The following CNTN6 variants were observed in gnomAD, a reference collection of about 807,000 sequenced individuals.
The protein encoded by CNTN6 is contactin-6.
A neutral mutation model predicts 122.8 loss-of-function variants in CNTN6; 137 were observed. The observed-to-expected ratio is 1.12, with a 90% CI of 0.97 to 1.29. The LOEUF is 1.29. CNTN6 is among the 50% of genes most tolerant of loss of function. CNTN6 has a pLI of 0.00. For synonymous variants in CNTN6, 570 were observed against 426.0 expected, an observed-to-expected ratio of 1.34 and a Z score of -4.16; for missense variants, 1,634 against 1,223.4, an observed-to-expected ratio of 1.34 and a Z score of -5.01.
intron 17 of CNTN6, among the ~76,000 whole-genome samples, chr3:1,377,909 A>G (rs1710112132): frequency 6.6e-6 from 1 of 152,074 alleles, no homozygotes; most frequent in Non-Finnish European, 1.5e-5. Context: ...CTGCCATTTC[A>G]TAGGGTAGGG....
At chr3:1,403,225 G>A in intron 22 of CNTN6, 93 bp from the exon 23 acceptor site, 1 of 708,198 alleles carries the variant, frequency 1.4e-6, no homozygotes, top group Non-Finnish European at 2.4e-6. Context: ...TACTAGAAGA[G>A]AAATGATAGT....
chr3:1,310,395 A>G (rs1373283483), intron 7 of CNTN6, among the ~76,000 whole-genome samples: 1 of 152,066 alleles, frequency 6.6e-6, no homozygotes, highest in Non-Finnish European at 1.5e-5. Context: ...TTTTTCTTCT[A>G]TTCATTAGTG....
At chr3:1,189,434 C>G (rs915079894) in intron 2 of CNTN6, among the ~76,000 whole-genome samples, 1 of 152,150 alleles carries the variant, frequency 6.6e-6, no homozygotes, top group Non-Finnish European at 1.5e-5. Context: ...AGGACTTTAA[C>G]TCTTTGGAAT....
chr3:1,397,483 A>C (rs1695130247), intron 20 of CNTN6, among the ~76,000 whole-genome samples: 1 of 152,138 alleles, frequency 6.6e-6, no homozygotes, highest in Non-Finnish European at 1.5e-5. Context: ...TTCATCTGCA[A>C]GTACCAAAGC....
At chr3:1,232,049 G>A (rs1027788052) in intron 4 of CNTN6, among the ~76,000 whole-genome samples, 2 of 152,130 alleles carry the variant, frequency 1.3e-5, no homozygotes, top group African/African-American at 4.8e-5. Context: ...ATCTGTCATT[G>A]CTGTTTAAAA....
chr3:1,294,695 G>A (rs949830270), intron 5 of CNTN6, among the ~76,000 whole-genome samples: 4 of 152,082 alleles, frequency 2.6e-5, no homozygotes, highest in Non-Finnish European at 4.4e-5. Flanking sequence ...AATGCTTGTC[G>A]ACTCCTCCGT....
intron 2 of CNTN6, chr3:1,173,372 G>A (rs2093395406): frequency 2.2e-6 from 1 of 449,534 alleles, no homozygotes; most frequent in South Asian, 1.6e-5. Context: ...TTTACAGCAT[G>A]TGCTCGATAT....
chr3:1,220,766 G>A lies in CNTN6; in HGVS notation c.135G>A (p.Glu45=). The A allele has an allele frequency of 6.2e-7, 1 of 1,612,520 alleles. No homozygotes were observed. Among genetic ancestry groups the A allele is most frequent in the Non-Finnish European group, 8.5e-7 (1 of 1,179,182 alleles). Residue 45 remains glutamate, a synonymous_variant, in exon 3 of 23, where the codon GAG becomes GAA. Transcript: ENST00000446702. ...VIFPLDLSKS[E]VILNCAANGY... Reference sequence around the variant, plus strand: ...TTCCTTTGGATTTATCAAAATCTGAGGTCATCCTGAATTGTGCTGCTAATG... The same window carrying A: ...TTCCTTTGGATTTATCAAAATCTGAAGTCATCCTGAATTGTGCTGCTAATG...
intron 2 of CNTN6, among the ~76,000 whole-genome samples, chr3:1,178,721 T>A (rs1008261792): frequency 6.6e-6 from 1 of 152,160 alleles, no homozygotes; most frequent in Non-Finnish European, 1.5e-5. Flanking sequence ...TTACTTCTGA[T>A]AGGTCGTTAG....
chr3:1,320,313 T>G (rs570966132), intron 7 of CNTN6, among the ~76,000 whole-genome samples: 1 of 151,892 alleles, frequency 6.6e-6, no homozygotes, highest in Non-Finnish European at 1.5e-5. Flanking sequence ...GCATATGATT[T>G]TTATCCTTGT....
chr3:1,365,407 T>A (rs9868606), intron 12 of CNTN6, among the ~76,000 whole-genome samples: 46,897 of 151,882 alleles, frequency 0.31, 8,198 homozygotes, highest in African/African-American at 0.47. Flanking sequence ...CTCATAAATA[T>A]GTAAGCTTAT....
At chr3:1,152,591 C>T (rs1302866848) in intron 2 of CNTN6, among the ~76,000 whole-genome samples, 1 of 152,162 alleles carries the variant, frequency 6.6e-6, no homozygotes, top group Admixed American at 6.6e-5. Context: ...CATTTTCCCA[C>T]AGTGAAAAAT....
At chr3:1,385,417 A>T (rs956748527) in intron 19 of CNTN6, among the ~76,000 whole-genome samples, 194 bp from the exon 20 acceptor site, 1 of 152,156 alleles carries the variant, frequency 6.6e-6, no homozygotes, top group Non-Finnish European at 1.5e-5. Context: ...TGCATTCATG[A>T]CTTTTTTCCT....
intron 4 of CNTN6, among the ~76,000 whole-genome samples, chr3:1,242,226 G>A (rs1179701811): frequency 3.3e-5 from 5 of 152,256 alleles, no homozygotes; most frequent in Middle Eastern, 3.4e-3. Context: ...GTCAGGGTCA[G>A]TCTAAGTGAA....
intron 1 of CNTN6, among the ~76,000 whole-genome samples, chr3:1,144,884 G>A (rs946987833): frequency 3.9e-5 from 6 of 152,132 alleles, no homozygotes; most frequent in Non-Finnish European, 5.9e-5. Flanking sequence ...TACAGCAAGC[G>A]GGGACTGTTG....
intron 4 of CNTN6, among the ~76,000 whole-genome samples, chr3:1,237,274 A>G (rs1368936097): frequency 5.9e-5 from 9 of 152,046 alleles, no homozygotes; most frequent in Admixed American, 5.9e-4. Flanking sequence ...AGAATCAAAC[A>G]AGCAGAAGAA....
intron 12 of CNTN6, among the ~76,000 whole-genome samples, chr3:1,359,896 C>T (rs971994344): frequency 1.3e-5 from 2 of 151,904 alleles, no homozygotes; most frequent in African/African-American, 2.4e-5. Flanking sequence ...TTCTTTTGTT[C>T]GTTTGCTTAG....
intron 5 of CNTN6, among the ~76,000 whole-genome samples, chr3:1,290,563 A>G (rs1695158771): frequency 6.6e-6 from 1 of 152,202 alleles, no homozygotes; most frequent in South Asian, 2.1e-4. Context: ...GGGTTCTTGG[A>G]TCTTGTACAA....
chr3:1,093,527 CTT>C (rs753856056), intron 1 of CNTN6, among the ~76,000 whole-genome samples: 44 of 132,290 alleles, frequency 3.3e-4, no homozygotes, highest in Admixed American at 7.0e-4. Flanking sequence ...TGTTTTTTGT[CTT>C]TTTTTTTTTT....
Sources: gnomAD v4.1 joint callset for allele counts (sites outside exome capture counted in the v4.1 genomes callset) on GRCh38, gnomAD v4.1.1 for gene constraint, MANE v1.5 for transcripts, NCBI Gene and HGNC (gene_info 2026-07-23, HGNC 2026-07-21) for gene names.